Variants in TNR observed in about 807,000 individuals in gnomAD.
The protein encoded by TNR is tenascin R, also known as tenascin-R.
A neutral mutation model predicts 150.4 loss-of-function variants in TNR; 45 were observed. The observed-to-expected ratio is 0.30, with a 90% confidence interval of 0.24 to 0.38. TNR has a LOEUF of 0.38. Among genes scored for constraint, TNR ranks in the 10% least tolerant of loss-of-function variants. TNR has a pLI of 1.00. For missense variants in TNR, 1,544 were observed against 1,759.1 expected (o/e 0.88, Z 2.19); for synonymous variants, 687 against 678.4 (o/e 1.01, Z -0.20).
intron 2 of TNR, among the ~76,000 whole-genome samples, chr1:175,458,838 C>A (rs115099743): frequency 6.6e-6 from 1 of 152,144 alleles, no homozygotes; most frequent in Admixed American, 6.5e-5. Context: ...ACACAGACCA[C>A]GGCCATTATC....
At position 175,379,606 on chromosome 1, in the gene TNR, G is replaced by T; in HGVS notation, c.1909C>A (p.His637Asn). Reference protein sequence around the residue: ...VYSTLAGEQYHEVLVPRGIGP... With the variant: ...VYSTLAGEQYNEVLVPRGIGP... ...ATGCCCCTGGGGACCAGTACCTCAT[G>T]ATATTGCTCACCCGCCAGGGTGCTG... Residue 637 changes from histidine to asparagine, a missense_variant, in exon 9 of 23, where the codon CAT becomes AAT. Around this residue, in one of 2 missense-constraint regions of TNR, gnomAD observed 1,254 missense variants for 1,329.4 expected, o/e 0.94. Transcript: ENST00000367674. The T allele has an allele frequency of 6.2e-7, 1 of 1,614,122 alleles. No homozygotes were observed. The highest frequency in any genetic ancestry group is 8.5e-7 in the Non-Finnish European group (1 of 1,180,024).
intron 1 of TNR, among the ~76,000 whole-genome samples, chr1:175,680,418 G>A (rs1665994314): frequency 6.6e-6 from 1 of 152,182 alleles, no homozygotes; most frequent in African/African-American, 2.4e-5. Context: ...GCATGGCAGA[G>A]AGGGAGTGAG....
At chr1:175,499,175 A>G (rs1241828418) in intron 2 of TNR, among the ~76,000 whole-genome samples, 1 of 152,238 alleles carries the variant, frequency 6.6e-6, no homozygotes, top group Non-Finnish European at 1.5e-5. Flanking sequence ...TTCCAAATAT[A>G]TACAGAAGAG....
intron 1 of TNR, among the ~76,000 whole-genome samples, chr1:175,667,849 G>A (rs1220049072): frequency 1.3e-5 from 2 of 152,130 alleles, no homozygotes; most frequent in Non-Finnish European, 2.9e-5. Flanking sequence ...CCCAGCTGGT[G>A]GGAATGGAAA....
chr1:175,442,842 T>C (rs12565878), intron 2 of TNR, among the ~76,000 whole-genome samples: 38,682 of 151,432 alleles, frequency 0.26, 5,516 homozygotes, highest in East Asian at 0.51. Flanking sequence ...CCAAAACAGG[T>C]TGTCACACTC....
At chr1:175,480,449 GAA>G (rs1227800081) in intron 2 of TNR, among the ~76,000 whole-genome samples, 7 of 150,648 alleles carry the variant, frequency 4.6e-5, no homozygotes, top group African/African-American at 1.7e-4. Context: ...GAAAGAGAAA[GAA>G]AGAAAGAAAA....
At chr1:175,335,882 C>T in intron 19 of TNR, 75 bp from the exon 20 acceptor site, 1 of 1,322,098 alleles carries the variant, frequency 7.6e-7, no homozygotes, top group East Asian at 2.3e-5. Context: ...GGAAAATAAA[C>T]TGTGATAAGT....
chr1:175,346,234 T>C (rs1395901485), intron 18 of TNR, among the ~76,000 whole-genome samples: 1 of 152,174 alleles, frequency 6.6e-6, no homozygotes, highest in African/African-American at 2.4e-5. Flanking sequence ...GATTAACTAC[T>C]TGGAAAAACT....
chr1:175,451,908 A>G (rs1331438260), intron 2 of TNR, among the ~76,000 whole-genome samples: 1 of 152,154 alleles, frequency 6.6e-6, no homozygotes, highest in Non-Finnish European at 1.5e-5. Context: ...GCCAGGTCTT[A>G]CCTGTCATCT....
chr1:175,557,451 A>G lies in TNR; in HGVS notation c.-164-29082T>C, dbSNP rs886105343. On this transcript the variant is annotated intron_variant, in intron 1 of 22. Transcript: ENST00000367674. ...GATTCAACAGTGTGTGAGGAGGATA[A>G]CAGAAAACATTTACCCTAACATCCC... Among the ~76,000 whole-genome samples the G allele has an allele frequency of 3.3e-5, 5 of 152,236 alleles. No individual in the cohort carries two copies. The East Asian group carries it at 7.7e-4, about 23-fold the overall frequency.
intron 18 of TNR, among the ~76,000 whole-genome samples, chr1:175,346,272 T>C (rs1650778679): frequency 6.6e-6 from 1 of 152,174 alleles, no homozygotes; most frequent in Non-Finnish European, 1.5e-5. Context: ...AATAAAAGGC[T>C]ATAATTAACA....
chr1:175,686,518 T>G (rs1351739146), intron 1 of TNR, among the ~76,000 whole-genome samples: 1 of 152,222 alleles, frequency 6.6e-6, no homozygotes, highest in East Asian at 1.9e-4. Context: ...CTGGGGTATG[T>G]GTGCAGATTT....
At chr1:175,627,667 T>C (rs1226746491) in intron 1 of TNR, among the ~76,000 whole-genome samples, 1 of 152,182 alleles carries the variant, frequency 6.6e-6, no homozygotes, top group Non-Finnish European at 1.5e-5. Context: ...GCTCTAATTG[T>C]AATGATCATC....
chr1:175,686,332 C>T (rs184451076), intron 1 of TNR, among the ~76,000 whole-genome samples: 2 of 152,282 alleles, frequency 1.3e-5, no homozygotes. Context: ...AAATAGAAGA[C>T]AAACCACATT....
At chr1:175,439,592 T>C (rs1318787539) in intron 2 of TNR, among the ~76,000 whole-genome samples, 1 of 152,156 alleles carries the variant, frequency 6.6e-6, no homozygotes, top group Non-Finnish European at 1.5e-5. Flanking sequence ...ACAGGCAACC[T>C]ACAGAATGGG....
intron 18 of TNR, among the ~76,000 whole-genome samples, chr1:175,342,654 T>C (rs1291448178): frequency 6.6e-6 from 1 of 151,756 alleles, no homozygotes; most frequent in African/African-American, 2.4e-5. Flanking sequence ...AGGAGGAGAG[T>C]GACAATAGCC....
At chr1:175,619,558 C>A (rs776205646) in intron 1 of TNR, among the ~76,000 whole-genome samples, 1 of 152,116 alleles carries the variant, frequency 6.6e-6, no homozygotes, top group Non-Finnish European at 1.5e-5. Flanking sequence ...CTCCACAGCT[C>A]GCTTTGGACC....
At chr1:175,542,704 C>T (rs1362826152) in intron 1 of TNR, among the ~76,000 whole-genome samples, 2 of 152,128 alleles carry the variant, frequency 1.3e-5, no homozygotes, top group Non-Finnish European at 2.9e-5. Context: ...TCACTAAAAC[C>T]ACTTCTACAT....
chr1:175,468,507 A>G (rs1308327115), intron 2 of TNR, among the ~76,000 whole-genome samples: 2 of 152,254 alleles, frequency 1.3e-5, no homozygotes, highest in Non-Finnish European at 2.9e-5. Context: ...GGAGCGTAGA[A>G]TGTTGTGGTA....
Sources: gnomAD v4.1 joint callset for allele counts (sites outside exome capture counted in the v4.1 genomes callset) on GRCh38, gnomAD v4.1.1 for gene constraint, gnomAD v4.1.1 regional missense constraint, MANE v1.5 for transcripts, NCBI Gene and HGNC (gene_info 2026-07-23, HGNC 2026-07-21) for gene names.